Variants in LY9 observed in about 807,000 individuals in gnomAD.
LY9 encodes T-lymphocyte surface antigen Ly-9.
A neutral mutation model predicts 64.6 loss-of-function variants in LY9; 59 were observed. That is an observed-to-expected ratio of 0.91 (90% CI 0.74 to 1.13). The LOEUF (loss-of-function observed/expected upper bound fraction) is 1.13, where lower values mean the gene tolerates loss of function less well. Ranked by LOEUF, LY9 falls within the 50% of genes most tolerant of loss-of-function variation. LY9 has a pLI of 0.00. For synonymous variants in LY9, 281 were observed against 308.5 expected, an observed-to-expected ratio of 0.91 and a Z score of 0.93; for missense variants, 789 against 797.2, an observed-to-expected ratio of 0.99 and a Z score of 0.12.
At chr1:160,817,008 C>T in intron 5 of LY9, 145 bp downstream of exon 5, 3 of 694,464 alleles carry the variant, frequency 4.3e-6, no homozygotes, top group Non-Finnish European at 4.8e-6. Context: ...ATATGAGAGT[C>T]ACGCATGTGA....
At chr1:160,811,618 C>A (rs1667481042) in intron 2 of LY9, 1 of 152,240 alleles carries the variant, frequency 6.6e-6, no homozygotes, top group Admixed American at 6.5e-5. Flanking sequence ...ATTCTGCTTT[C>A]CACAAAACAC....
At chr1:160,804,771 G>T (rs573816777) in intron 2 of LY9, among the ~76,000 whole-genome samples, 4 of 152,048 alleles carry the variant, frequency 2.6e-5, no homozygotes, top group Non-Finnish European at 5.9e-5. Context: ...ACTACTTGTC[G>T]TTGGTGTCTG....
At chr1:160,800,180 A>C (rs2101737739) in intron 2 of LY9, 98 bp downstream of exon 2, 1 of 861,388 alleles carries the variant, frequency 1.2e-6, no homozygotes, top group East Asian at 2.5e-5. Flanking sequence ...TATATAGTGC[A>C]TACTGATCAA....
chr1:160,800,588 T>C (rs1306584035), intron 2 of LY9, among the ~76,000 whole-genome samples: 1 of 152,064 alleles, frequency 6.6e-6, no homozygotes, highest in Non-Finnish European at 1.5e-5. Flanking sequence ...CAAGTGTAGA[T>C]TTATTGCATG....
In LY9 at chr1:160,796,321, C is replaced by T; in HGVS notation, c.124+10C>T. On this transcript the variant is annotated intron_variant, in intron 1 of 9. Transcript: ENST00000263285. Reference sequence around the variant, plus strand: ...CTCTTCCTGCTCATGGGTAAGTCCACTTTATGGCCACCACTTCTTGCTACT... The same window carrying T: ...CTCTTCCTGCTCATGGGTAAGTCCATTTTATGGCCACCACTTCTTGCTACT... 6.2e-7 allele frequency: 1 copy of T among 1,610,550 alleles called. No homozygotes were observed. The highest frequency in any genetic ancestry group is 8.5e-7 in the Non-Finnish European group (1 of 1,178,740).
chr1:160,802,411 C>T (rs1045124048), intron 2 of LY9: 7 of 986,374 alleles, frequency 7.1e-6, no homozygotes, highest in African/African-American at 1.7e-5. Context: ...GGGAGGTCAC[C>T]GGCCACTCCC....
At chr1:160,802,377 C>T in intron 2 of LY9, 1 of 988,098 alleles carries the variant, frequency 1.0e-6, no homozygotes. Context: ...CCCTCTCAGC[C>T]AGGCCTGGCT....
At chr1:160,808,816 C>G (rs1667214650) in intron 2 of LY9, among the ~76,000 whole-genome samples, 1 of 152,158 alleles carries the variant, frequency 6.6e-6, no homozygotes, top group African/African-American at 2.4e-5. Context: ...TTCGAAGCCC[C>G]TTCTCTTGAT....
intron 2 of LY9, chr1:160,809,793 T>A (rs1441476739): frequency 6.6e-6 from 1 of 152,234 alleles, no homozygotes; most frequent in Non-Finnish European, 1.5e-5. Flanking sequence ...AACATTTCTT[T>A]GTTGATAAAT....
In LY9 at chr1:160,823,738, C is replaced by T. The variant is rs779166363; in HGVS notation, c.1772C>T (p.Thr591Met). 9 of 1,614,154 alleles carry T rather than the reference C, an allele frequency of 5.6e-6. No individual in the cohort carries two copies. Among genetic ancestry groups the T allele is most frequent in the Middle Eastern group, 1.7e-4 (1 of 6,060 alleles). ...ADYDPVTPYV[T>M]EVESVVGENT... ...TATGATCCCGTCACTCCATATGTCA[C>T]GGAAGTTGAGTCTGTGGTTGGAGAG... The change falls in exon 8 of 10, where the codon ACG (threonine) becomes ATG (methionine). Residue 591 changes from threonine to methionine, a missense_variant. Transcript: ENST00000263285.
At position 160,799,851 on chromosome 1, in the gene LY9, A is replaced by T; in HGVS notation, c.223A>T (p.Ile75Phe). The change falls in exon 2 of 10, where the codon ATT becomes TTT. Residue 75 changes from isoleucine to phenylalanine, a missense_variant. Coordinates refer to ENST00000263285, the MANE Select transcript of LY9 (RefSeq NM_002348.4). Reference sequence around the variant, plus strand: ...CCTAAACATCTCAGTAGACACAGAGATTGAGAACGTCATCTGGATTGGTCC... The same window carrying T: ...CCTAAACATCTCAGTAGACACAGAGTTTGAGAACGTCATCTGGATTGGTCC... ...LPLNISVDTE[I>F]ENVIWIGPKN... 6.2e-7 allele frequency: 1 copy of T among 1,614,128 alleles called. No homozygotes were observed. The highest frequency in any genetic ancestry group is 1.7e-5 in the Admixed American group (1 of 60,020).
chr1:160,797,651 G>A (rs769229027), intron 1 of LY9, among the ~76,000 whole-genome samples: 17 of 152,190 alleles, frequency 1.1e-4, no homozygotes, highest in Non-Finnish European at 1.9e-4. Flanking sequence ...CTTTTGGTCT[G>A]AAAGGATGAT....
At chr1:160,799,562 G>A in intron 1 of LY9, 191 bp from the exon 2 acceptor site, 1 of 553,280 alleles carries the variant, frequency 1.8e-6, no homozygotes, top group Non-Finnish European at 3.2e-6. Context: ...TGCTTTTAAG[G>A]GAGACAGTGT....
chr1:160,817,450 C>T (rs564930148), intron 5 of LY9, among the ~76,000 whole-genome samples: 2 of 152,132 alleles, frequency 1.3e-5, no homozygotes, highest in Non-Finnish European at 2.9e-5. Flanking sequence ...CTTGTGGCTA[C>T]CATATTGAAC....
chr1:160,815,637 C>G (rs1157466040), intron 4 of LY9, among the ~76,000 whole-genome samples: 1 of 152,242 alleles, frequency 6.6e-6, no homozygotes, highest in African/African-American at 2.4e-5. Context: ...TCCGCTGCCT[C>G]AGCCTCCCAA....
At chr1:160,818,342 G>A (rs760893963) in intron 6 of LY9, 23 bp downstream of exon 6, 3 of 1,560,026 alleles carry the variant, frequency 1.9e-6, no homozygotes, top group Admixed American at 1.7e-5. Flanking sequence ...GATCAATGTT[G>A]TCCGCCAGTG....
At chr1:160,807,971 A>C (rs1667138596) in intron 2 of LY9, among the ~76,000 whole-genome samples, 1 of 152,152 alleles carries the variant, frequency 6.6e-6, no homozygotes, top group Admixed American at 6.5e-5. Context: ...GGCCCCAGGC[A>C]GAGTGCTCAG....
Position 160,825,882 on chromosome 1 carries a change from C to T in LY9, c.1899+1633C>T, listed in dbSNP as rs182123988. 4.2e-3 allele frequency among the ~76,000 whole-genome samples: 630 copies of T among 151,320 alleles called. 6 individuals are homozygous for T. The highest frequency in any genetic ancestry group is 7.6e-3 in the Non-Finnish European group (518 of 67,934). Reference sequence around the variant, plus strand: ...CAGAGATCACACCATTGCACTCCAGCCTGGGCAACAAGAGCAAAACTCCAT... The same window carrying T: ...CAGAGATCACACCATTGCACTCCAGTCTGGGCAACAAGAGCAAAACTCCAT... On this transcript the variant is annotated intron_variant, in intron 9 of 9. Coordinates refer to ENST00000263285, the MANE Select transcript of LY9 (RefSeq NM_002348.4).
In LY9 at chr1:160,828,045, C is replaced by T; in HGVS notation, c.*229C>T. ...AGCCTATGGGCTTCAGATGTCTTTG[C>T]CCCATTTGTCACCTCGCACACTTAT... On this transcript the variant is annotated 3_prime_UTR_variant, in exon 10 of 10. Coordinates refer to ENST00000263285, the MANE Select transcript of LY9 (RefSeq NM_002348.4). 2.9e-6 allele frequency: 1 copy of T among 347,000 alleles called. No homozygotes were observed. Among genetic ancestry groups the T allele is most frequent in the Non-Finnish European group, 5.3e-6 (1 of 189,918 alleles). 21.5% of individuals were successfully genotyped at this position (347,000 alleles called of 1,614,324 possible).
Sources: allele counts gnomAD v4.1 joint callset (sites outside exome capture counted in the v4.1 genomes callset), GRCh38; gene constraint gnomAD v4.1.1; transcripts MANE v1.5; gene names NCBI Gene and HGNC (gene_info 2026-07-23, HGNC 2026-07-21).